CFAP418: variants seen among roughly 807,000 people sequenced by gnomAD.
CFAP418 encodes the protein cilia- and flagella-associated protein 418.
CFAP418 carries 27 observed loss-of-function variants against 24.7 expected under a neutral mutation model. That is an observed-to-expected ratio of 1.09 (90% CI 0.81 to 1.51). CFAP418 has a LOEUF of 1.51. Ranked by LOEUF, CFAP418 falls within the 40% of genes most tolerant of loss-of-function variation. CFAP418 has a pLI of 0.00. For synonymous variants in CFAP418, 74 were observed against 87.3 expected (o/e 0.85, Z 0.85); for missense variants, 257 against 255.2 (o/e 1.01, Z -0.05).
chr8:95,264,933 C>T (rs1174879643), intron 1 of CFAP418, among the ~76,000 whole-genome samples: 2 of 152,154 alleles, frequency 1.3e-5, no homozygotes, highest in Admixed American at 1.3e-4. Context: ...CTTGCTTCTT[C>T]AAAGAGACAC....
intron 4 of CFAP418, among the ~76,000 whole-genome samples, chr8:95,256,535 C>T (rs1317411086): frequency 6.6e-6 from 1 of 152,204 alleles, no homozygotes; most frequent in East Asian, 1.9e-4. Context: ...CTTCTTAAGG[C>T]TTCAGAGCTT....
intron 4 of CFAP418, among the ~76,000 whole-genome samples, chr8:95,254,713 A>G (rs4492337): frequency 0.47 from 71,695 of 152,112 alleles, 17,193 homozygotes; most frequent in African/African-American, 0.51. Flanking sequence ...AATGGGACTA[A>G]AGAAACTTGA....
intron 1 of CFAP418, among the ~76,000 whole-genome samples, chr8:95,268,027 A>G (rs1259650275): frequency 6.6e-6 from 1 of 152,180 alleles, no homozygotes; most frequent in Non-Finnish European, 1.5e-5. Flanking sequence ...TTAAATTTCC[A>G]TATGTATGTC....
chr8:95,263,830 C>G (rs1231357179), intron 1 of CFAP418, 56 bp from the exon 2 acceptor site: 3 of 999,954 alleles, frequency 3.0e-6, no homozygotes, highest in Admixed American at 3.8e-5. Context: ...GCAGAGAAAG[C>G]TAGTATCAGA....
In CFAP418 at chr8:95,259,908, A is replaced by G. The variant is rs749596760; in HGVS notation, c.309-3T>C. On this transcript the variant is annotated splice_polypyrimidine_tract_variant and splice_region_variant and intron_variant, in intron 3 of 5. Transcript: ENST00000286688. ...CACCAAGGTACACCGGACTGCAACT[A>G]GATGTGTTCAACAGATGCAAAAATA... 1.3e-6 allele frequency: 2 copies of G among 1,593,348 alleles called. No homozygotes were observed. Among genetic ancestry groups the G allele is most frequent in the Non-Finnish European group, 1.7e-6 (2 of 1,173,252 alleles).
At chr8:95,254,043 C>T (rs1184442139) in intron 4 of CFAP418, among the ~76,000 whole-genome samples, 2 of 152,154 alleles carry the variant, frequency 1.3e-5, no homozygotes, top group African/African-American at 2.4e-5. Flanking sequence ...CATTTTCCTA[C>T]AAACACTGTC....
At position 95,252,264 on chromosome 8, in the gene CFAP418, A is replaced by G. The variant is rs1050414071; in HGVS notation, c.394T>C (p.Cys132Arg). 6.2e-6 allele frequency: 10 copies of G among 1,613,546 alleles called. No individual in the cohort carries two copies. Among genetic ancestry groups the G allele is most frequent in the Non-Finnish European group, 8.5e-6 (10 of 1,179,656 alleles). ...ACTACCAAGAAATCACAGGCTATAC[A>G]ACGCAGATGGTCACATGCTCTGTTC... ...ISWRACDHLRCIACDFLVVSY... is the reference protein window; with the variant it reads ...ISWRACDHLRRIACDFLVVSY... Residue 132 changes from cysteine (C) to arginine (R), a missense_variant, in exon 5 of 6, where the codon TGT becomes CGT. Coordinates refer to ENST00000286688, the MANE Select transcript of CFAP418 (RefSeq NM_177965.4).
At chr8:95,248,623 A>C (rs73695436) in intron 5 of CFAP418, among the ~76,000 whole-genome samples, 3,495 of 152,310 alleles carry the variant, frequency 0.023, 65 homozygotes, top group African/African-American at 0.025. Flanking sequence ...AAAATGATAA[A>C]CACTGGATTT....
At chr8:95,258,422 T>C (rs557284931) in intron 4 of CFAP418, among the ~76,000 whole-genome samples, 10 of 113,070 alleles carry the variant, frequency 8.8e-5, no homozygotes, top group Admixed American at 3.4e-4. Context: ...AATGAAACAA[T>C]AGAAAAAAGC....
chr8:95,267,133 G>A (rs1464723854), intron 1 of CFAP418, among the ~76,000 whole-genome samples: 1 of 152,072 alleles, frequency 6.6e-6, no homozygotes, highest in Non-Finnish European at 1.5e-5. Flanking sequence ...GTTAATGAGA[G>A]TGATATTTAC....
intron 4 of CFAP418, among the ~76,000 whole-genome samples, chr8:95,258,184 C>T (rs900470338): frequency 2.0e-5 from 3 of 151,908 alleles, no homozygotes; most frequent in Non-Finnish European, 4.4e-5. Flanking sequence ...AGATGGAGAC[C>T]ATCCTGGATA....
chr8:95,265,204 A>T (rs1019879484), intron 1 of CFAP418, among the ~76,000 whole-genome samples: 3 of 152,150 alleles, frequency 2.0e-5, no homozygotes, highest in African/African-American at 7.2e-5. Context: ...ATTAAATAAT[A>T]GCACACCCTT....
intron 5 of CFAP418, among the ~76,000 whole-genome samples, chr8:95,249,976 G>T (rs1811682958): frequency 6.6e-6 from 1 of 152,070 alleles, no homozygotes; most frequent in African/African-American, 2.4e-5. Context: ...CCTATCCAAG[G>T]CTCACCTCCC....
At chr8:95,256,573 C>T (rs1281852479) in intron 4 of CFAP418, among the ~76,000 whole-genome samples, 1 of 152,240 alleles carries the variant, frequency 6.6e-6, no homozygotes, top group East Asian at 1.9e-4. Flanking sequence ...GCTTTGAACT[C>T]AGGCATTCTG....
intron 1 of CFAP418, among the ~76,000 whole-genome samples, chr8:95,264,872 G>A (rs1811950446): frequency 6.6e-6 from 1 of 152,144 alleles, no homozygotes; most frequent in African/African-American, 2.4e-5. Flanking sequence ...TACCCTTAAT[G>A]TCTTTCACTG....
rs944681941 is a variant in CFAP418, at chr8:95,252,557, T to C, written c.375-274A>G. Among the ~76,000 whole-genome samples, 4 of 152,236 alleles carry C rather than the reference T, an allele frequency of 2.6e-5. No individual in the cohort carries two copies. In the Middle Eastern group the frequency reaches 0.01, roughly 388 times the overall value. On this transcript the variant is annotated intron_variant, in intron 4 of 5. Transcript: ENST00000286688. The stretch of plus-strand genomic sequence containing the variant: ...TATATAGATATGAAAGAAAATAGAT[T>C]TGTAGATCTTTTAATTCCATGGTTT...
At chr8:95,252,365 A>C in intron 4 of CFAP418, 82 bp from the exon 5 acceptor site, 2 of 815,238 alleles carry the variant, frequency 2.5e-6, no homozygotes, top group Non-Finnish European at 4.1e-6. Context: ...TATTTATAGG[A>C]TACACCACAT....
chr8:95,257,505 TG>T (rs1412233306), intron 4 of CFAP418, among the ~76,000 whole-genome samples: 1 of 152,178 alleles, frequency 6.6e-6, no homozygotes, highest in Non-Finnish European at 1.5e-5. Flanking sequence ...CCTCCAACAA[TG>T]TTTTTTTTAA....
At chr8:95,267,102 C>T (rs1272105953) in intron 1 of CFAP418, among the ~76,000 whole-genome samples, 14 of 152,118 alleles carry the variant, frequency 9.2e-5, no homozygotes, top group African/African-American at 3.4e-4. Flanking sequence ...ATAAGGAATT[C>T]CAGTACACAA....
Sources: allele counts gnomAD v4.1 joint callset (sites outside exome capture counted in the v4.1 genomes callset), GRCh38; gene constraint gnomAD v4.1.1; transcripts MANE v1.5; gene names NCBI Gene and HGNC (gene_info 2026-07-23, HGNC 2026-07-21).